ST6GALNAC3: variants seen among roughly 807,000 people sequenced by gnomAD.
The protein encoded by ST6GALNAC3 is alpha-N-acetylgalactosaminide alpha-2,6-sialyltransferase 3.
ST6GALNAC3 carries 25 observed loss-of-function variants against 32.7 expected under a neutral mutation model. The ratio of observed to expected loss-of-function variants is 0.76; its 90% CI spans 0.56 to 1.07. The LOEUF (loss-of-function observed/expected upper bound fraction) is 1.07. ST6GALNAC3 is among the 50% of genes least tolerant of loss of function. The pLI is 0.00. For synonymous variants in ST6GALNAC3, 129 were observed against 133.1 expected (o/e 0.97, Z 0.21); for missense variants, 355 against 382.4 (o/e 0.93, Z 0.60).
At chr1:76,350,933 C>A (rs1648925005) in intron 2 of ST6GALNAC3, among the ~76,000 whole-genome samples, 1 of 152,094 alleles carries the variant, frequency 6.6e-6, no homozygotes, top group East Asian at 1.9e-4. Context: ...CTAGGATTTG[C>A]AGCATCACAT....
At chr1:76,194,401 G>A (rs968582961) in intron 1 of ST6GALNAC3, among the ~76,000 whole-genome samples, 4 of 151,996 alleles carry the variant, frequency 2.6e-5, no homozygotes, top group African/African-American at 7.2e-5. Context: ...AAAAGCTTTT[G>A]TTTATGTAAG....
In ST6GALNAC3 at chr1:76,384,601, A is replaced by G. The variant is rs529323110; in HGVS notation, c.214-27407A>G. 8.5e-5 allele frequency among the ~76,000 whole-genome samples: 13 copies of G among 152,320 alleles called. No individual in the cohort carries two copies. The South Asian group carries it at 1.2e-3, about 15-fold the overall frequency. On this transcript the variant is annotated intron_variant, in intron 2 of 4. Coordinates refer to ENST00000328299, the MANE Select transcript of ST6GALNAC3 (RefSeq NM_152996.4). ...CAGAATGCATTTTTTTCAAGTAAAC[A>G]TAACACCTTTAACCAAATTAATCAC...
chr1:76,432,039 T>A (rs1407078179), intron 3 of ST6GALNAC3, among the ~76,000 whole-genome samples: 1 of 152,202 alleles, frequency 6.6e-6, no homozygotes, highest in Non-Finnish European at 1.5e-5. Flanking sequence ...TACTTTCTAA[T>A]TGTTTTGCCT....
At chr1:76,228,526 A>G (rs1656196948) in intron 1 of ST6GALNAC3, among the ~76,000 whole-genome samples, 1 of 152,174 alleles carries the variant, frequency 6.6e-6, no homozygotes, top group Non-Finnish European at 1.5e-5. Flanking sequence ...GTCTGCTTTA[A>G]TCCACCACAT....
chr1:76,085,895 A>C (rs973684997), intron 1 of ST6GALNAC3, among the ~76,000 whole-genome samples: 13 of 152,240 alleles, frequency 8.5e-5, no homozygotes, highest in African/African-American at 2.9e-4. Context: ...AGTGTACTCC[A>C]GTCAACTTTC....
intron 1 of ST6GALNAC3, among the ~76,000 whole-genome samples, chr1:76,083,263 C>T (rs762615612): frequency 2.6e-5 from 4 of 152,248 alleles, no homozygotes; most frequent in Admixed American, 6.5e-5. Context: ...AAATGACTGT[C>T]GTGAGTTGAT....
chr1:76,488,551 A>C (rs1329168235), intron 3 of ST6GALNAC3, among the ~76,000 whole-genome samples: 1 of 152,224 alleles, frequency 6.6e-6, no homozygotes, highest in Non-Finnish European at 1.5e-5. Context: ...TCCATGCTGT[A>C]TTTATACAGG....
At chr1:76,470,741 G>A (rs1658970939) in intron 3 of ST6GALNAC3, among the ~76,000 whole-genome samples, 1 of 152,012 alleles carries the variant, frequency 6.6e-6, no homozygotes, top group Non-Finnish European at 1.5e-5. Context: ...CATTCCAAGA[G>A]GCCATCACTG....
At chr1:76,357,439 T>C (rs1649571962) in intron 2 of ST6GALNAC3, among the ~76,000 whole-genome samples, 1 of 152,178 alleles carries the variant, frequency 6.6e-6, no homozygotes, top group African/African-American at 2.4e-5. Context: ...AGCACTCATC[T>C]TCACATCCTT....
At chr1:76,576,570 A>G (rs1646811751) in intron 3 of ST6GALNAC3, among the ~76,000 whole-genome samples, 1 of 152,060 alleles carries the variant, frequency 6.6e-6, no homozygotes, top group Admixed American at 6.6e-5. Context: ...TAGCCTTCGG[A>G]GACACAGGCT....
chr1:76,450,047 G>T (rs752217556), intron 3 of ST6GALNAC3, among the ~76,000 whole-genome samples: 1 of 152,174 alleles, frequency 6.6e-6, no homozygotes, highest in Non-Finnish European at 1.5e-5. Context: ...GCATATGCAA[G>T]TATCTTTTTC....
chr1:76,563,535 AAAGTCAGGTATTTAG>A (rs1665371480), intron 3 of ST6GALNAC3, among the ~76,000 whole-genome samples: 1 of 152,224 alleles, frequency 6.6e-6, no homozygotes, highest in Non-Finnish European at 1.5e-5. Flanking sequence ...CCTTGATGGC[AAAGTCAGGTATTTAG>A]AACCCAATTT....
At chr1:76,350,026 T>C (rs541540090) in intron 2 of ST6GALNAC3, among the ~76,000 whole-genome samples, 3 of 152,332 alleles carry the variant, frequency 2.0e-5, no homozygotes, top group Admixed American at 1.3e-4. Flanking sequence ...GTATACAAGA[T>C]TTATTTTATA....
intron 1 of ST6GALNAC3, among the ~76,000 whole-genome samples, chr1:76,253,311 G>A (rs1657726333): frequency 6.6e-6 from 1 of 152,040 alleles, no homozygotes; most frequent in African/African-American, 2.4e-5. Context: ...TTCTGAATAA[G>A]GAAGTATAAA....
In ST6GALNAC3 at chr1:76,599,717, C is replaced by CTTGTGT. The variant is rs1180456019; in HGVS notation, c.624-27735_624-27734insTTGTGT. Among the ~76,000 whole-genome samples the CTTGTGT allele has an allele frequency of 2.9e-3, 408 of 142,100 alleles. 3 individuals are homozygous for CTTGTGT. The highest frequency in any genetic ancestry group is 1.0e-2 in the African/African-American group (387 of 38,844). The allele number at this position is 142,100 out of a possible 152,430, so 93.2% of individuals were successfully genotyped here. ...TATTTTATTCCTCCCACTACCGTAT[C>CTTGTGT]GTGTGTGTGTGTGTGTGTGTGTGTG... On this transcript the variant is annotated intron_variant, in intron 3 of 4. Coordinates refer to ENST00000328299, the MANE Select transcript of ST6GALNAC3 (RefSeq NM_152996.4).
chr1:76,203,114 A>G (rs952808460), intron 1 of ST6GALNAC3, among the ~76,000 whole-genome samples: 3 of 152,224 alleles, frequency 2.0e-5, no homozygotes, highest in Non-Finnish European at 4.4e-5. Context: ...CCTAGGGTAC[A>G]TGCCAAAGGA....
rs187450093 is a variant in ST6GALNAC3, at chr1:76,124,937, A to G, written c.18+50053A>G. On this transcript the variant is annotated intron_variant, in intron 1 of 4. Coordinates refer to ENST00000328299, the MANE Select transcript of ST6GALNAC3 (RefSeq NM_152996.4). The stretch of plus-strand genomic sequence containing the variant: ...ACCAGATTACAAAAGACTTGATTAA[A>G]AAATGCAAAATATCCCATTACTAAC... Among the ~76,000 whole-genome samples the G allele has an allele frequency of 3.3e-5, 5 of 152,380 alleles. No individual in the cohort carries two copies. In the East Asian group the frequency reaches 9.6e-4, roughly 29 times the overall value.
In ST6GALNAC3 at chr1:76,577,030, T is replaced by C. The variant is rs186096210; in HGVS notation, c.624-50422T>C. ...TTCAAAGATTAAGATTGTGGCTTTG[T>C]GTAAAGTTCTTTCCCTTTGTAGACT... On this transcript the variant is annotated intron_variant, in intron 3 of 4. Coordinates refer to ENST00000328299, the MANE Select transcript of ST6GALNAC3 (RefSeq NM_152996.4). 5.1e-6 allele frequency: 6 copies of C among 1,178,228 alleles called. No homozygotes were observed. In the East Asian group the frequency reaches 2.3e-4, roughly 46 times the overall value. The allele number at this position is 1,178,228 out of a possible 1,614,324, so 73.0% of individuals were successfully genotyped here. A position where few individuals can be genotyped will look rare whatever the true frequency, so the allele number is the denominator to read the frequency against.
intron 1 of ST6GALNAC3, among the ~76,000 whole-genome samples, chr1:76,264,559 G>A (rs1262793178): frequency 2.0e-5 from 3 of 152,042 alleles, no homozygotes; most frequent in East Asian, 1.9e-4. Flanking sequence ...TGCAGGAATC[G>A]CTTACCTAAA....
Sources: gnomAD v4.1 joint callset for allele counts (sites outside exome capture counted in the v4.1 genomes callset) on GRCh38, gnomAD v4.1.1 for gene constraint, MANE v1.5 for transcripts, NCBI Gene and HGNC (gene_info 2026-07-23, HGNC 2026-07-21) for gene names.